The following KCTD10 variants were observed in gnomAD, a reference collection of about 807,000 sequenced individuals.
KCTD10 encodes BTB/POZ domain-containing adapter for CUL3-mediated RhoA degradation protein 3.
In KCTD10, 13 loss-of-function variants were observed where a neutral mutation model predicts 34.6. That is an observed-to-expected ratio of 0.38 (90% CI 0.24 to 0.60). The LOEUF is 0.60. KCTD10 is among the 20% of genes least tolerant of loss of function. The pLI is 0.66. For synonymous variants in KCTD10, 156 were observed against 168.8 expected (o/e 0.92, Z 0.59); for missense variants, 256 against 420.3 (o/e 0.61, Z 3.42).
rs1872644376 is a variant in KCTD10 at position 109,449,367 on chromosome 12, CTCATTAGGCA to C, written c.*2218_*2227del. The C allele has an allele frequency of 6.6e-6, 1 of 152,326 alleles. No homozygotes were observed. Among genetic ancestry groups the C allele is most frequent in the African/African-American group, 2.4e-5 (1 of 41,556 alleles). The allele number at this position is 152,326 out of a possible 1,614,324, so 9.4% of individuals were successfully genotyped here. ...TAGAGAGAGCTGCCAGAAACACTAG[CTCATTAGGCA>C]TAGAGGCCACAGCAAATCAAATTGT... is the stretch of plus-strand genomic sequence containing the variant. On this transcript the variant is annotated 3_prime_UTR_variant, in exon 7 of 7. Transcript: ENST00000228495.
chr12:109,476,090 T>G (rs191818925), intron 1 of KCTD10, among the ~76,000 whole-genome samples: 1 of 152,280 alleles, frequency 6.6e-6, no homozygotes, highest in Admixed American at 6.5e-5. Context: ...ATTAGTCTAA[T>G]CCCTTGCAGG....
In KCTD10 at chr12:109,471,438, T is replaced by C. The variant is rs1427982041; in HGVS notation, c.4-1710A>G. The C allele has an allele frequency of 3.1e-6, 3 of 983,504 alleles. No individual in the cohort carries two copies. The African/African-American group carries it at 5.2e-5, about 17-fold the overall frequency. The allele number at this position is 983,504 out of a possible 1,614,324, so 60.9% of individuals were successfully genotyped here. ...AAAGAAATGTTTTCTCAAGAAACAG[T>C]TCCTTTTTCATCAAGAAAAGTCACA... On this transcript the variant is annotated intron_variant, in intron 1 of 6. Coordinates refer to ENST00000228495, the MANE Select transcript of KCTD10 (RefSeq NM_031954.5).
chr12:109,470,880 T>C (rs959609446), intron 1 of KCTD10: 7 of 165,920 alleles, frequency 4.2e-5, no homozygotes, highest in African/African-American at 1.7e-4. Context: ...CAGGAATCAC[T>C]GAGACCCAAT....
chr12:109,473,520 G>C (rs1458273955), intron 1 of KCTD10, among the ~76,000 whole-genome samples: 1 of 152,162 alleles, frequency 6.6e-6, no homozygotes, highest in South Asian at 2.1e-4. Context: ...GCATGACTAA[G>C]AGATAAAGGC....
chr12:109,461,004 C>T (rs570889888), intron 2 of KCTD10, among the ~76,000 whole-genome samples, 199 bp from the exon 3 acceptor site: 1 of 152,322 alleles, frequency 6.6e-6, no homozygotes, highest in African/African-American at 2.4e-5. Flanking sequence ...TGGCTGGACA[C>T]AACCATAACC....
At position 109,465,110 on chromosome 12, in the gene KCTD10, C is replaced by T. The variant is rs543391911; in HGVS notation, c.218-4305G>A. On this transcript the variant is annotated intron_variant, in intron 2 of 6. Coordinates refer to ENST00000228495, the MANE Select transcript of KCTD10 (RefSeq NM_031954.5). ...GCAGCATCGCACAGAGAAACTCCCA[C>T]GCACGGGGAAAGCGTTCAAGGATGT... is the stretch of plus-strand genomic sequence containing the variant. Among the ~76,000 whole-genome samples the T allele has an allele frequency of 2.6e-4, 39 of 152,284 alleles. 2 individuals are homozygous for T. In the South Asian group the frequency reaches 7.9e-3, roughly 31 times the overall value.
intron 3 of KCTD10, chr12:109,459,367 A>G (rs1426739095): frequency 1.3e-5 from 2 of 152,262 alleles, no homozygotes; most frequent in African/African-American, 4.8e-5. Flanking sequence ...GCATGTCTCC[A>G]AGACAAAGAT....
chr12:109,467,003 C>T (rs975368028), intron 2 of KCTD10, among the ~76,000 whole-genome samples: 20 of 152,240 alleles, frequency 1.3e-4, no homozygotes, highest in African/African-American at 4.3e-4. Context: ...ATCGCTCTGC[C>T]AGACACAGAC....
chr12:109,473,678 C>T (rs1382122397), intron 1 of KCTD10, among the ~76,000 whole-genome samples: 1 of 152,034 alleles, frequency 6.6e-6, no homozygotes, highest in Non-Finnish European at 1.5e-5. Flanking sequence ...TGTCCTTGAG[C>T]CCAAGTTACA....
Position 109,460,623 on chromosome 12 carries a change from G to C in KCTD10, c.387+13C>G, listed in dbSNP as rs948685191. 6.2e-6 allele frequency: 10 copies of C among 1,607,422 alleles called. No individual in the cohort carries two copies. In the African/African-American group the frequency reaches 1.4e-4, roughly 22 times the overall value. ...GCCTCTCCACCCATATGGGAAGAAAGGGTGATGCCTACTTGTAGGGCCGCC... is the reference window on the plus strand; with the variant it reads ...GCCTCTCCACCCATATGGGAAGAAACGGTGATGCCTACTTGTAGGGCCGCC... On this transcript the variant is annotated intron_variant, in intron 3 of 6. Coordinates refer to ENST00000228495, the MANE Select transcript of KCTD10 (RefSeq NM_031954.5). This position sits in a 1 kb window ranked among gnomAD's most constrained non-coding sequence, Gnocchi z 4.5.
intron 1 of KCTD10, 94 bp downstream of exon 1, chr12:109,477,166 A>C: frequency 2.0e-6 from 3 of 1,466,598 alleles, no homozygotes; most frequent in Non-Finnish European, 2.8e-6. Context: ...GCCCCTCATC[A>C]CACCCCCTCC....
chr12:109,451,633 T>C lies in KCTD10; in HGVS notation c.904A>G (p.Ile302Val), dbSNP rs1172695419. The change falls in exon 7 of 7, where the codon ATC (isoleucine) becomes GTC (valine). Residue 302 changes from isoleucine (I) to valine (V), a missense_variant. Physicochemically the swap from Ile to Val is conservative, Grantham distance 29 (BLOSUM62 3). Around this residue, in one of 3 missense-constraint regions of KCTD10, gnomAD observed 60 missense variants for 89.0 expected, o/e 0.67. Coordinates refer to ENST00000228495, the MANE Select transcript of KCTD10 (RefSeq NM_031954.5). The surrounding 1 kb of genome is among the most constrained non-coding windows in gnomAD (Gnocchi z 5.0). ...ERIERVRRIH[I>V]KRPDDRAHLH... ...TGGGCCCGGTCATCAGGGCGCTTGA[T>C]GTGGATCCTCCGCACGCGCTCGATC... The C allele has an allele frequency of 1.2e-6, 2 of 1,611,572 alleles. No homozygotes were observed. The highest frequency in any genetic ancestry group is 1.7e-5 in the Admixed American group (1 of 59,950).
chr12:109,459,638 GA>G, intron 3 of KCTD10: 1 of 152,394 alleles, frequency 6.6e-6, no homozygotes, highest in Non-Finnish European at 1.5e-5. Flanking sequence ...ATGGGAGAAG[GA>G]AAAGTATGCC....
intron 2 of KCTD10, 119 bp downstream of exon 2, chr12:109,469,396 C>A (rs1232809163): frequency 8.3e-7 from 1 of 1,197,686 alleles, no homozygotes; most frequent in Non-Finnish European, 1.2e-6. Flanking sequence ...TGGTGGGAGT[C>A]CCCAACAAGC....
In KCTD10 at chr12:109,470,491, A is replaced by G. The variant is rs1025789245; in HGVS notation, c.4-763T>C. 3.0e-6 allele frequency: 3 copies of G among 985,392 alleles called. No homozygotes were observed. In the African/African-American group the frequency reaches 5.2e-5, roughly 17 times the overall value. The allele number at this position is 985,392 out of a possible 1,614,324, so 61.0% of individuals were successfully genotyped here. A position where few individuals can be genotyped will look rare whatever the true frequency, so the allele number is the denominator to read the frequency against. Reference sequence around the variant, plus strand: ...AGTGGCTGATTTACGCAGGCCTGGAAAGTGAGATTGGTATCCGGCACATGT... The same window carrying G: ...AGTGGCTGATTTACGCAGGCCTGGAGAGTGAGATTGGTATCCGGCACATGT... On this transcript the variant is annotated intron_variant, in intron 1 of 6. Transcript: ENST00000228495.
chr12:109,456,647 G>T, intron 5 of KCTD10: 1 of 390,268 alleles, frequency 2.6e-6, no homozygotes, highest in Non-Finnish European at 4.9e-6. Flanking sequence ...GCACCTCACC[G>T]AGCCCCAAGA....
In KCTD10 at chr12:109,451,656, A is replaced by G. The variant is rs761470056; in HGVS notation, c.881T>C (p.Ile294Thr). The part of the protein sequence containing the change: ...HLDEDEERER[I>T]ERVRRIHIKR... ...GATGTGGATCCTCCGCACGCGCTCG[A>G]TCCGCTCCCGCTCCTCGTCCTCGTC... Residue 294 changes from isoleucine to threonine, a missense_variant, in exon 7 of 7, where the codon ATC (isoleucine) becomes ACC (threonine). By Grantham distance (89) the Ile-to-Thr change is moderately conservative. Coordinates refer to ENST00000228495, the MANE Select transcript of KCTD10 (RefSeq NM_031954.5). The surrounding 1 kb of genome is among the most constrained non-coding windows in gnomAD (Gnocchi z 5.0). 14 of 1,613,242 alleles carry G rather than the reference A, an allele frequency of 8.7e-6. No homozygotes were observed.
At chr12:109,473,379 TCA>T (rs1318810298) in intron 1 of KCTD10, among the ~76,000 whole-genome samples, 2 of 152,158 alleles carry the variant, frequency 1.3e-5, no homozygotes, top group African/African-American at 4.8e-5. Flanking sequence ...GCCAAAAGCC[TCA>T]CCTCCCTCAC....
In KCTD10 at chr12:109,470,385, T is replaced by C. The variant is rs1873826308; in HGVS notation, c.4-657A>G. Reference sequence around the variant, plus strand: ...TGCAAAATTAGACCTCCTAGACTAGTGCTGCCCAAAAGAGCAAGATCCCAC... The same window carrying C: ...TGCAAAATTAGACCTCCTAGACTAGCGCTGCCCAAAAGAGCAAGATCCCAC... On this transcript the variant is annotated intron_variant, in intron 1 of 6. Coordinates refer to ENST00000228495, the MANE Select transcript of KCTD10 (RefSeq NM_031954.5). 3.0e-6 allele frequency: 3 copies of C among 985,520 alleles called. No homozygotes were observed. The South Asian group carries it at 1.4e-4, about 46-fold the overall frequency. 61.0% of individuals were successfully genotyped at this position (985,520 alleles called of 1,614,324 possible).
Sources: allele counts gnomAD v4.1 joint callset (sites outside exome capture counted in the v4.1 genomes callset), GRCh38; gene constraint gnomAD v4.1.1; regional missense constraint gnomAD v4.1.1; non-coding constraint Gnocchi (gnomAD v3.1); transcripts MANE v1.5; gene names NCBI Gene and HGNC (gene_info 2026-07-23, HGNC 2026-07-21).